The following ASCC2 variants were observed in gnomAD, a reference collection of about 807,000 sequenced individuals.
ASCC2 encodes the protein activating signal cointegrator 1 complex subunit 2, also known as ASC-1 complex subunit P100.
ASCC2 carries 42 observed loss-of-function variants against 93.5 expected under a neutral mutation model. The observed-to-expected ratio is 0.45, with a 90% CI of 0.35 to 0.58. The LOEUF is 0.58. Among genes scored for constraint, ASCC2 ranks in the 20% least tolerant of loss-of-function variants. The probability of loss-of-function intolerance (pLI) is 0.00; values close to 1 mark genes in which losing one functional copy is unlikely to be tolerated. For synonymous variants in ASCC2, 364 were observed against 384.2 expected (o/e 0.95, Z 0.62); for missense variants, 859 against 977.6 (o/e 0.88, Z 1.62).
At position 29,804,635 on chromosome 22, in the gene ASCC2, T is replaced by C; in HGVS notation, c.1353+3A>G. On this transcript the variant is annotated splice_donor_region_variant and intron_variant, in intron 13 of 19. Transcript: ENST00000307790. ...GAGGGAAAAGCGCCACTCAGACACA[T>C]ACCTCCTCTTCCTCCGAGTTCTCCG... The C allele has an allele frequency of 6.2e-7, 1 of 1,613,612 alleles. No individual in the cohort carries two copies. Among genetic ancestry groups the C allele is most frequent in the Non-Finnish European group, 8.5e-7 (1 of 1,179,638 alleles).
At chr22:29,796,096 G>T (rs190128068) in intron 15 of ASCC2, among the ~76,000 whole-genome samples, 4 of 151,708 alleles carry the variant, frequency 2.6e-5, no homozygotes, top group African/African-American at 9.7e-5. Context: ...GCGGGCTAGG[G>T]TTTGCCTCCC....
chr22:29,829,251 A>C (rs985416857), intron 2 of ASCC2, among the ~76,000 whole-genome samples: 1 of 152,206 alleles, frequency 6.6e-6, no homozygotes, highest in Non-Finnish European at 1.5e-5. Context: ...TTGTCCTTCA[A>C]CAATGCCTGA....
chr22:29,802,645 A>T (rs975966228), intron 13 of ASCC2, among the ~76,000 whole-genome samples: 3 of 152,154 alleles, frequency 2.0e-5, no homozygotes, highest in Middle Eastern at 3.4e-3. Flanking sequence ...CAAAAAATTT[A>T]AAAAAGTAGC....
At chr22:29,820,857 G>A (rs2061466471) in intron 5 of ASCC2, among the ~76,000 whole-genome samples, 3 of 142,010 alleles carry the variant, frequency 2.1e-5, no homozygotes, top group Non-Finnish European at 3.0e-5. Flanking sequence ...GGTGGGCCGA[G>A]ATTGCACCAT....
rs754871668 is a variant in ASCC2, at chr22:29,806,294, C to A, written c.1086-4G>T. 7 of 1,613,964 alleles carry A rather than the reference C, an allele frequency of 4.3e-6. No individual in the cohort carries two copies. The highest frequency in any genetic ancestry group is 2.2e-5 in the East Asian group (1 of 44,878). On this transcript the variant is annotated splice_region_variant and splice_polypyrimidine_tract_variant and intron_variant, in intron 11 of 19. Coordinates refer to ENST00000307790, the MANE Select transcript of ASCC2 (RefSeq NM_032204.5). ...TGCATCATAGTCCCGGAGGAACCTG[C>A]AGGCAGATGAGAGCAGATGGGATGG...
chr22:29,832,491 C>T (rs769045570), intron 1 of ASCC2, 149 bp from the exon 2 acceptor site: 17 of 569,150 alleles, frequency 3.0e-5, no homozygotes, highest in Non-Finnish European at 4.9e-5. Flanking sequence ...GGTTCATGCA[C>T]CTACTAACCC....
chr22:29,793,558 C>T lies in ASCC2; in HGVS notation c.1788+19G>A, dbSNP rs1376494390. 3.7e-6 allele frequency: 6 copies of T among 1,613,538 alleles called. No individual in the cohort carries two copies. The highest frequency in any genetic ancestry group is 5.1e-6 in the Non-Finnish European group (6 of 1,179,850). On this transcript the variant is annotated intron_variant, in intron 16 of 19. Transcript: ENST00000307790. ...CCTGGTTTCCCTGGCCCAGCAGAGA[C>T]CTGGCCTTGGTGGCCTACCTCCTCC... is the stretch of plus-strand genomic sequence containing the variant.
rs1192061769 is a variant in ASCC2, at chr22:29,806,475, C to T, written c.1085+10G>A. On this transcript the variant is annotated intron_variant, in intron 11 of 19. Coordinates refer to ENST00000307790, the MANE Select transcript of ASCC2 (RefSeq NM_032204.5). ...GGGTCATGGGCCCAGGCCAGCTCAG[C>T]CACACTCACCTCTTCTCCTGCAGCA... 3 of 1,613,710 alleles carry T rather than the reference C, an allele frequency of 1.9e-6. No homozygotes were observed. Among genetic ancestry groups the T allele is most frequent in the Admixed American group, 3.3e-5 (2 of 59,982 alleles).
intron 8 of ASCC2, among the ~76,000 whole-genome samples, chr22:29,811,200 AC>A (rs1284094464): frequency 1.3e-5 from 2 of 152,220 alleles, no homozygotes; most frequent in Admixed American, 1.3e-4. Context: ...TAAAATGCAA[AC>A]AGTAAATACT....
chr22:29,829,931 G>T (rs995355278), intron 2 of ASCC2, among the ~76,000 whole-genome samples: 1 of 152,068 alleles, frequency 6.6e-6, no homozygotes, highest in East Asian at 1.9e-4. Context: ...CTACCCTTTG[G>T]CTAGAGATCA....
At position 29,801,103 on chromosome 22, in the gene ASCC2, T is replaced by A; in HGVS notation, c.1576A>T (p.Lys526Ter). The A allele has an allele frequency of 6.3e-7, 1 of 1,598,744 alleles. No homozygotes were observed. The highest frequency in any genetic ancestry group is 8.6e-7 in the Non-Finnish European group (1 of 1,167,602). The change falls in exon 15 of 20, where the codon AAA becomes TAA. Residue 526 changes from lysine (K) to a stop codon, truncating the protein, a stop_gained. Transcript: ENST00000307790. LOFTEE classifies it high-confidence loss of function. ...GTCAGCAGGGGTGTAGGGTCTGGTT[T>A]CATTTCTCTGGGTGGGGGACACAGA... ...QLDRNLDREM[K>*]PDPTPLLTSR...
rs996070879 is a variant in ASCC2, at chr22:29,832,382, A to C, written c.-17-40T>G. The stretch of plus-strand genomic sequence containing the variant: ...GATGGGAAGAAGAGAGCAGACACAC[A>C]GACTCCTGGGGGCAGGGCCTGCTCT... On this transcript the variant is annotated intron_variant, in intron 1 of 19. Coordinates refer to ENST00000307790, the MANE Select transcript of ASCC2 (RefSeq NM_032204.5). The C allele has an allele frequency of 4.0e-6, 6 of 1,504,680 alleles. No homozygotes were observed. In the East Asian group the frequency reaches 1.1e-4, roughly 28 times the overall value. 93.2% of individuals were successfully genotyped at this position (1,504,680 alleles called of 1,614,324 possible).
At chr22:29,830,107 C>T (rs2062940200) in intron 2 of ASCC2, among the ~76,000 whole-genome samples, 1 of 152,160 alleles carries the variant, frequency 6.6e-6, no homozygotes, top group Non-Finnish European at 1.5e-5. Flanking sequence ...TCCCACCATA[C>T]CCCCAATTTA....
intron 4 of ASCC2, among the ~76,000 whole-genome samples, chr22:29,824,867 G>A (rs530120768): frequency 1.3e-5 from 2 of 152,242 alleles, no homozygotes; most frequent in South Asian, 2.1e-4. Flanking sequence ...AAGGGCCCTC[G>A]GCTCTCTTTG....
Position 29,800,978 on chromosome 22 carries a change from C to T in ASCC2, c.1688+13G>A. 6.3e-7 allele frequency: 1 copy of T among 1,580,186 alleles called. No homozygotes were observed. Among genetic ancestry groups the T allele is most frequent in the Non-Finnish European group, 8.7e-7 (1 of 1,154,644 alleles). On this transcript the variant is annotated intron_variant, in intron 15 of 19. Transcript: ENST00000307790. The stretch of plus-strand genomic sequence containing the variant: ...AGTTGGGGTATCGGAACCCCATGGC[C>T]CACTGCACTCACCTCTTGCCCTTGT...
chr22:29,806,165 C>A, intron 12 of ASCC2, 51 bp downstream of exon 12: 2 of 1,584,656 alleles, frequency 1.3e-6, no homozygotes, highest in South Asian at 2.2e-5. Context: ...TGTCTCACCT[C>A]TGACCTAGTC....
chr22:29,792,393 C>A (rs2057860847), intron 18 of ASCC2, 40 bp downstream of exon 18: 3 of 1,610,916 alleles, frequency 1.9e-6, no homozygotes, highest in East Asian at 4.5e-5. Context: ...CCCCTCAGAA[C>A]TGCACTCTCC....
chr22:29,822,304 G>T (rs769048660), intron 5 of ASCC2, 31 bp downstream of exon 5: 13 of 1,611,084 alleles, frequency 8.1e-6, no homozygotes, highest in East Asian at 2.2e-5. Flanking sequence ...GGCCATCTTG[G>T]TGCATCCTCC....
chr22:29,813,560 C>T lies in ASCC2; in HGVS notation c.721-18G>A, dbSNP rs2060511124. 2.0e-6 allele frequency: 3 copies of T among 1,498,210 alleles called. No homozygotes were observed. Among genetic ancestry groups the T allele is most frequent in the African/African-American group, 1.4e-5 (1 of 72,608 alleles). 92.8% of individuals were successfully genotyped at this position (1,498,210 alleles called of 1,614,324 possible). On this transcript the variant is annotated intron_variant, in intron 7 of 19. Coordinates refer to ENST00000307790, the MANE Select transcript of ASCC2 (RefSeq NM_032204.5). ...TTTAATTCCTGTTGCCAAAAGAATA[C>T]ACTGCATTATTCTCCTCTGTCCACA...
Sources: gnomAD v4.1 joint callset for allele counts (sites outside exome capture counted in the v4.1 genomes callset) on GRCh38, gnomAD v4.1.1 for gene constraint, MANE v1.5 for transcripts, NCBI Gene and HGNC (gene_info 2026-07-23, HGNC 2026-07-21) for gene names.